Variants in DTX4 observed in about 807,000 individuals in gnomAD.
DTX4 encodes the protein E3 ubiquitin-protein ligase DTX4.
A neutral mutation model predicts 57.6 loss-of-function variants in DTX4; 28 were observed. The observed-to-expected ratio is 0.49, with a 90% confidence interval of 0.36 to 0.67. DTX4 has a LOEUF of 0.67. DTX4 is among the 30% of genes least tolerant of loss of function. The pLI, the probability that DTX4 is intolerant of heterozygous loss-of-function variation, is 0.00. For missense variants in DTX4, 715 were observed against 836.8 expected (o/e 0.85, Z 1.80); for synonymous variants, 316 against 331.0 (o/e 0.95, Z 0.49).
At chr11:59,185,760 T>C (rs1462681912) in intron 2 of DTX4, among the ~76,000 whole-genome samples, 1 of 152,100 alleles carries the variant, frequency 6.6e-6, no homozygotes, top group Non-Finnish European at 1.5e-5. Context: ...GCAGAAAACG[T>C]CTTTATTCAG....
At position 59,208,242 on chromosome 11, in the gene DTX4, C is replaced by T. The variant is rs1400631707; in HGVS notation, c.*3333C>T. ...ACCTATCTGTGAGGGATTTGGGTTA[C>T]CTCCCTGAGTCTGTAAGCAACCACA... On this transcript the variant is annotated 3_prime_UTR_variant, in exon 9 of 9. Coordinates refer to ENST00000227451, the MANE Select transcript of DTX4 (RefSeq NM_015177.2). 2.0e-5 allele frequency: 3 copies of T among 152,452 alleles called. No homozygotes were observed. The highest frequency in any genetic ancestry group is 7.2e-5 in the African/African-American group (3 of 41,422). The allele number at this position is 152,452 out of a possible 1,614,324, so 9.4% of individuals were successfully genotyped here. A position where few individuals can be genotyped will look rare whatever the true frequency, so the allele number is the denominator to read the frequency against.
At chr11:59,203,111 G>T (rs1330127505) in intron 8 of DTX4, among the ~76,000 whole-genome samples, 1 of 152,220 alleles carries the variant, frequency 6.6e-6, no homozygotes, top group Admixed American at 6.5e-5. Flanking sequence ...GTGAATCTGT[G>T]AGTGAATGTG....
At chr11:59,188,519 G>T (rs1277846643) in intron 2 of DTX4, among the ~76,000 whole-genome samples, 1 of 152,242 alleles carries the variant, frequency 6.6e-6, no homozygotes, top group Non-Finnish European at 1.5e-5. Flanking sequence ...GGCTCTGTAG[G>T]CCTTGCTAGG....
intron 5 of DTX4, 51 bp downstream of exon 5, chr11:59,191,226 A>AT: frequency 6.6e-7 from 1 of 1,525,162 alleles, no homozygotes; most frequent in South Asian, 1.2e-5. Context: ...ACCCACAAGC[A>AT]TTTCCTCTTC....
chr11:59,180,310 C>CT (rs1236519389), intron 1 of DTX4, among the ~76,000 whole-genome samples: 1 of 152,128 alleles, frequency 6.6e-6, no homozygotes, highest in Non-Finnish European at 1.5e-5. Context: ...CCTGATACCC[C>CT]CATGTTCCCC....
rs568942809 is a variant in DTX4, at chr11:59,172,491, G to A, written c.-105G>A. The A allele has an allele frequency of 1.0e-5, 6 of 596,332 alleles. No individual in the cohort carries two copies. The East Asian group carries it at 3.4e-4, about 34-fold the overall frequency. 36.9% of individuals were successfully genotyped at this position (596,332 alleles called of 1,614,324 possible). ...CCGGGGCGGCGGGGCGCGGGGCAGG[G>A]GGCGCGGTCGAGGCCCGGAGGCGGC... On this transcript the variant is annotated 5_prime_UTR_variant, in exon 1 of 9. Transcript: ENST00000227451.
At position 59,182,005 on chromosome 11, in the gene DTX4, A is replaced by G. The variant is rs750598458; in HGVS notation, c.478A>G (p.Ile160Val). The G allele has an allele frequency of 8.1e-6, 13 of 1,613,694 alleles. No homozygotes were observed. The Admixed American group carries it at 8.3e-5, about 10-fold the overall frequency. The part of the protein sequence containing the change: ...QRRVRRRLDL[I>V]YPMVTGTLPK... ...CCGCGTCCGCCGGCGCCTCGACCTC[A>G]TCTACCCCATGGTCACAGGGACCTT... Residue 160 changes from isoleucine to valine, a missense_variant, in exon 2 of 9, where the codon ATC becomes GTC. Transcript: ENST00000227451.
chr11:59,196,473 C>T (rs941863824), intron 7 of DTX4, among the ~76,000 whole-genome samples: 5 of 152,232 alleles, frequency 3.3e-5, no homozygotes, highest in Non-Finnish European at 7.3e-5. Context: ...TGAGATGCAA[C>T]GTAGACAAAG....
chr11:59,185,655 G>C (rs940747599), intron 2 of DTX4, among the ~76,000 whole-genome samples: 5 of 152,162 alleles, frequency 3.3e-5, no homozygotes, highest in African/African-American at 9.7e-5. Context: ...CAGTAATAGT[G>C]GGGGAGGTGA....
intron 8 of DTX4, among the ~76,000 whole-genome samples, chr11:59,200,108 A>G (rs1266937138): frequency 6.6e-6 from 1 of 152,220 alleles, no homozygotes; most frequent in Non-Finnish European, 1.5e-5. Context: ...CCCCACAATC[A>G]TGGCAGAAGA....
At position 59,184,589 on chromosome 11, in the gene DTX4, G is replaced by C. The variant is rs1046036528; in HGVS notation, c.935+2127G>C. On this transcript the variant is annotated intron_variant, in intron 2 of 8. Transcript: ENST00000227451. ...CTCTGGTGCCCTTGACAAATGCCAA[G>C]TGACTTCATTTCCATCACTGAGGGA... Among the ~76,000 whole-genome samples the C allele has an allele frequency of 2.6e-5, 4 of 152,174 alleles. No individual in the cohort carries two copies. In the East Asian group the frequency reaches 7.7e-4, roughly 29 times the overall value.
chr11:59,193,447 G>C (rs1404353937), intron 6 of DTX4, among the ~76,000 whole-genome samples: 2 of 152,018 alleles, frequency 1.3e-5, no homozygotes, highest in African/African-American at 4.8e-5. Flanking sequence ...CATTGATGGG[G>C]GATGCAAATC....
At chr11:59,200,243 A>C (rs1214831968) in intron 8 of DTX4, among the ~76,000 whole-genome samples, 1 of 152,206 alleles carries the variant, frequency 6.6e-6, no homozygotes, top group African/African-American at 2.4e-5. Flanking sequence ...TATAGGGGAA[A>C]CTGCCCCCAT....
At position 59,195,134 on chromosome 11, in the gene DTX4, C is replaced by T. The variant is rs980787222; in HGVS notation, c.1375-74C>T. The T allele has an allele frequency of 3.3e-5, 51 of 1,523,392 alleles. No individual in the cohort carries two copies. In the Admixed American group the frequency reaches 4.4e-4, roughly 13 times the overall value. The allele number at this position is 1,523,392 out of a possible 1,614,324, so 94.4% of individuals were successfully genotyped here. On this transcript the variant is annotated intron_variant, in intron 6 of 8. Transcript: ENST00000227451. ...TTCCCCTGGCCCTTCATCTCTGGTACCTTTTGGGACTGGGTGGGAAAGTTA... is the reference window on the plus strand; with the variant it reads ...TTCCCCTGGCCCTTCATCTCTGGTATCTTTTGGGACTGGGTGGGAAAGTTA...
At chr11:59,187,170 G>A (rs1423246211) in intron 2 of DTX4, among the ~76,000 whole-genome samples, 1 of 152,200 alleles carries the variant, frequency 6.6e-6, no homozygotes, top group African/African-American at 2.4e-5. Flanking sequence ...TGAGTTTCTG[G>A]TCTATGTTTG....
In DTX4 at chr11:59,192,204, T is replaced by G. The variant is rs781709096; in HGVS notation, c.1328T>G (p.Val443Gly). ...GGGAAGCTGTCCAGATGCGGCCACG[T>G]CTACCACATCTACTGCTTGGTTGCC... is the stretch of plus-strand genomic sequence containing the variant. ...LVGKLSRCGH[V>G]YHIYCLVAMY... The change falls in exon 6 of 9, where the codon GTC (valine) becomes GGC (glycine). Residue 443 changes from valine to glycine, a missense_variant. Transcript: ENST00000227451. The G allele has an allele frequency of 1.4e-5, 22 of 1,613,960 alleles. No individual in the cohort carries two copies. Among genetic ancestry groups the G allele is most frequent in the Non-Finnish European group, 1.8e-5 (21 of 1,179,892 alleles).
intron 5 of DTX4, 66 bp from the exon 6 acceptor site, chr11:59,192,032 C>T: frequency 6.4e-7 from 1 of 1,564,048 alleles, no homozygotes; most frequent in Admixed American, 1.8e-5. Context: ...CCTCTGAGAT[C>T]ATGTGGAAAT....
At position 59,195,333 on chromosome 11, in the gene DTX4, C is replaced by T. The variant is rs1382348327; in HGVS notation, c.1500C>T (p.Thr500=). The T allele has an allele frequency of 5.6e-6, 9 of 1,613,662 alleles. No homozygotes were observed. Among genetic ancestry groups the T allele is most frequent in the Non-Finnish European group, 6.8e-6 (8 of 1,179,772 alleles). Residue 500 remains threonine (T), a synonymous_variant, in exon 7 of 9, where the codon ACC becomes ACT. Transcript: ENST00000227451. ...TGCCTGGCCACCCAGACTGCAAAAC[C>T]ATCCGGATCATCTACAGCATCCCCC... The part of the protein sequence containing the change: ...HSLPGHPDCK[T]IRIIYSIPPG...
intron 1 of DTX4, among the ~76,000 whole-genome samples, chr11:59,180,065 A>G (rs1219280482): frequency 6.6e-6 from 1 of 152,124 alleles, no homozygotes; most frequent in Non-Finnish European, 1.5e-5. Context: ...GACAGGTGCT[A>G]TTTTTGAGTT....
Sources: gnomAD v4.1 joint callset for allele counts (sites outside exome capture counted in the v4.1 genomes callset) on GRCh38, gnomAD v4.1.1 for gene constraint, MANE v1.5 for transcripts, NCBI Gene and HGNC (gene_info 2026-07-23, HGNC 2026-07-21) for gene names.